CUL2: variants seen among roughly 807,000 people sequenced by gnomAD.
The protein encoded by CUL2 is cullin-2.
CUL2 carries 22 observed loss-of-function variants against 110.2 expected under a neutral mutation model. The observed-to-expected ratio is 0.20, with a 90% CI of 0.14 to 0.28. The LOEUF (loss-of-function observed/expected upper bound fraction) is 0.28. Among genes scored for constraint, CUL2 ranks in the 10% least tolerant of loss-of-function variants. The probability of loss-of-function intolerance (pLI) is 1.00; values close to 1 mark genes in which losing one functional copy is unlikely to be tolerated. For missense variants in CUL2, 631 were observed against 905.5 expected (o/e 0.70, Z 3.89); for synonymous variants, 279 against 293.2 (o/e 0.95, Z 0.49).
At chr10:35,119,998 T>G (rs2087658849) in intron 1 of CUL2, 1 of 152,184 alleles carries the variant, frequency 6.6e-6, no homozygotes, top group Non-Finnish European at 1.5e-5. Flanking sequence ...TTTCAGAACA[T>G]GGCAAAAAAA....
chr10:35,094,911 T>A (rs749025711), upstream of CUL2, among the ~76,000 whole-genome samples: 1 of 152,228 alleles, frequency 6.6e-6, no homozygotes, highest in Non-Finnish European at 1.5e-5. Flanking sequence ...CAAATCCTAG[T>A]TCATCTATGA....
chr10:35,026,384 A>T (rs749304728), intron 16 of CUL2, among the ~76,000 whole-genome samples: 16 of 152,218 alleles, frequency 1.1e-4, no homozygotes, highest in Non-Finnish European at 1.8e-4. Context: ...TATAATTCAC[A>T]ATTTATAACA....
chr10:35,032,665 A>T (rs988480955), intron 11 of CUL2, among the ~76,000 whole-genome samples, 171 bp from the exon 12 acceptor site: 1 of 152,212 alleles, frequency 6.6e-6, no homozygotes, highest in Non-Finnish European at 1.5e-5. Flanking sequence ...CTCTGACTTT[A>T]TTCTCTAATT....
At chr10:35,045,908 C>T (rs573750969) in intron 6 of CUL2, among the ~76,000 whole-genome samples, 4 of 152,186 alleles carry the variant, frequency 2.6e-5, no homozygotes, top group Admixed American at 2.6e-4. Context: ...AATAATGTCA[C>T]AAAGAGAGCA....
At chr10:35,108,508 G>A (rs1265758476) in intron 1 of CUL2, among the ~76,000 whole-genome samples, 2 of 151,788 alleles carry the variant, frequency 1.3e-5, no homozygotes, top group Admixed American at 1.3e-4. Flanking sequence ...GACTAGAATA[G>A]TTGTGGGAAA....
chr10:35,018,302 A>G lies in CUL2; in HGVS notation c.1685-1908T>C, dbSNP rs1476533810. On this transcript the variant is annotated intron_variant, in intron 17 of 20. Coordinates refer to ENST00000374749, the MANE Select transcript of CUL2 (RefSeq NM_003591.4). Reference sequence around the variant, plus strand: ...ACTCCATCTCACAAAAAAAAAAAAAAAAAAAAAAAAAAGATGAAATCAACA... The same window carrying G: ...ACTCCATCTCACAAAAAAAAAAAAAGAAAAAAAAAAAAGATGAAATCAACA... Among the ~76,000 whole-genome samples the G allele has an allele frequency of 2.7e-5, 4 of 150,524 alleles. No individual in the cohort carries two copies. The East Asian group carries it at 5.8e-4, about 22-fold the overall frequency.
chr10:35,016,565 G>A (rs914210550), intron 17 of CUL2, among the ~76,000 whole-genome samples, 171 bp from the exon 18 acceptor site: 13 of 152,134 alleles, frequency 8.5e-5, no homozygotes, highest in African/African-American at 3.1e-4. Context: ...AGGTGAGGAT[G>A]GAAGTCTATT....
At chr10:35,040,926 G>A (rs2085770491) in intron 8 of CUL2, among the ~76,000 whole-genome samples, 1 of 152,164 alleles carries the variant, frequency 6.6e-6, no homozygotes, top group Non-Finnish European at 1.5e-5. Flanking sequence ...TCAGGCAGTA[G>A]GTAATGCTCA....
At chr10:35,033,756 C>CAA (rs66943310) in intron 10 of CUL2, among the ~76,000 whole-genome samples, 70 of 134,532 alleles carry the variant, frequency 5.2e-4, no homozygotes, top group East Asian at 1.1e-3. Context: ...ACAACAACAA[C>CAA]AAAAAAAAAA....
chr10:35,011,685 C>T (rs1014395342), intron 20 of CUL2, among the ~76,000 whole-genome samples, 163 bp downstream of exon 20: 48 of 152,148 alleles, frequency 3.2e-4, no homozygotes, highest in Admixed American at 2.7e-3. Flanking sequence ...GAATTTAATA[C>T]TGAAATTGTG....
At position 35,108,199 on chromosome 10, in the gene CUL2, T is replaced by C. The variant is rs189184545; in HGVS notation, c.-50-7139A>G. ...TGGGCCAGGCACAGTGGCTCATGCC[T>C]GTAATCCCAGCACTCTGGGCTAAGG... is the stretch of plus-strand genomic sequence containing the variant. On this transcript the variant is annotated intron_variant, in intron 1 of 5. Coordinates refer to the CUL2 transcript ENST00000685421. Among the ~76,000 whole-genome samples, 6 of 152,208 alleles carry C rather than the reference T, an allele frequency of 3.9e-5. No homozygotes were observed. In the East Asian group the frequency reaches 1.2e-3, roughly 29 times the overall value.
intron 6 of CUL2, among the ~76,000 whole-genome samples, chr10:35,047,110 T>A (rs1211623971): frequency 6.6e-6 from 1 of 152,216 alleles, no homozygotes; most frequent in African/African-American, 2.4e-5. Context: ...TATAATATGC[T>A]GACTAAATTA....
chr10:35,065,136 T>C (rs1192477895), intron 2 of CUL2, among the ~76,000 whole-genome samples: 1 of 152,204 alleles, frequency 6.6e-6, no homozygotes, highest in Non-Finnish European at 1.5e-5. Flanking sequence ...CCTATTCAAA[T>C]ATCCAACCAA....
At chr10:35,116,203 T>C (rs1252321848) in intron 1 of CUL2, among the ~76,000 whole-genome samples, 4 of 151,602 alleles carry the variant, frequency 2.6e-5, no homozygotes, top group Non-Finnish European at 5.9e-5. Context: ...ATTAGCCAGG[T>C]GTGGTGGCAG....
chr10:35,010,578 A>G, intron 20 of CUL2, 136 bp from the exon 21 acceptor site: 1 of 703,732 alleles, frequency 1.4e-6, no homozygotes, highest in East Asian at 3.6e-5. Context: ...GAAAATAGGA[A>G]CTACAATGTG....
At chr10:35,121,826 AT>A (rs376283550) in intron 1 of CUL2, among the ~76,000 whole-genome samples, 51 of 151,860 alleles carry the variant, frequency 3.4e-4, no homozygotes, top group African/African-American at 1.1e-3. Flanking sequence ...AAAAAAAAAA[AT>A]AAAAATTAGT....
intron 1 of CUL2, among the ~76,000 whole-genome samples, chr10:35,084,396 GC>G (rs1311502017): frequency 2.0e-5 from 3 of 152,060 alleles, no homozygotes; most frequent in African/African-American, 7.2e-5. Flanking sequence ...AGGGTTCAAG[GC>G]ACCCCGGAAG....
At chr10:35,112,970 G>T (rs2087539664) in intron 1 of CUL2, among the ~76,000 whole-genome samples, 1 of 151,856 alleles carries the variant, frequency 6.6e-6, no homozygotes, top group Non-Finnish European at 1.5e-5. Flanking sequence ...AAGGCAGGCA[G>T]ATCACAAGGT....
chr10:35,104,350 G>A (rs1364734117), intron 1 of CUL2, among the ~76,000 whole-genome samples: 2 of 152,186 alleles, frequency 1.3e-5, no homozygotes, highest in Non-Finnish European at 2.9e-5. Context: ...GGAGGCTGAG[G>A]TGGGAGGATG....
Sources: allele counts gnomAD v4.1 joint callset (sites outside exome capture counted in the v4.1 genomes callset), GRCh38; gene constraint gnomAD v4.1.1; transcripts MANE v1.5; gene names NCBI Gene and HGNC (gene_info 2026-07-23, HGNC 2026-07-21).